The following TSHZ2 variants were observed in gnomAD, a reference collection of about 807,000 sequenced individuals.
The protein encoded by TSHZ2 is teashirt homolog 2.
A neutral mutation model predicts 74.4 loss-of-function variants in TSHZ2; 21 were observed. The ratio of observed to expected loss-of-function variants is 0.28; its 90% CI spans 0.20 to 0.41. The LOEUF is 0.41. TSHZ2 is among the 10% of genes least tolerant of loss of function. The pLI is 1.00. For synonymous variants in TSHZ2, 540 were observed against 515.3 expected, an observed-to-expected ratio of 1.05 and a Z score of -0.65; for missense variants, 1,244 against 1,293.5, an observed-to-expected ratio of 0.96 and a Z score of 0.59.
intron 1 of TSHZ2, among the ~76,000 whole-genome samples, chr20:53,209,706 G>A (rs1213195885): frequency 6.6e-6 from 1 of 152,178 alleles, no homozygotes; most frequent in Non-Finnish European, 1.5e-5. Flanking sequence ...TTTGCTTGGG[G>A]AGAAGCTGGT....
At chr20:53,046,685 G>A (rs963731770) in intron 1 of TSHZ2, among the ~76,000 whole-genome samples, 2 of 152,042 alleles carry the variant, frequency 1.3e-5, no homozygotes, top group African/African-American at 4.8e-5. Context: ...CCAAGCAGTA[G>A]AGTAGGTATA....
At chr20:53,420,544 G>A (rs1465991075) in intron 2 of TSHZ2, among the ~76,000 whole-genome samples, 2 of 152,172 alleles carry the variant, frequency 1.3e-5, no homozygotes, top group East Asian at 1.9e-4. Flanking sequence ...GGCTAACACG[G>A]TGAAACCCCA....
At chr20:53,169,512 T>A (rs1029511394) in intron 1 of TSHZ2, among the ~76,000 whole-genome samples, 4 of 152,224 alleles carry the variant, frequency 2.6e-5, no homozygotes, top group Non-Finnish European at 5.9e-5. Context: ...ATTATCTACC[T>A]AAAACCCTTT....
chr20:53,005,700 T>C (rs996694400), intron 1 of TSHZ2, among the ~76,000 whole-genome samples: 6 of 152,216 alleles, frequency 3.9e-5, no homozygotes, highest in African/African-American at 1.4e-4. Flanking sequence ...TCTTGAAGTA[T>C]AAAGTAGAAC....
At chr20:53,280,891 C>A (rs1991048527) in intron 2 of TSHZ2, among the ~76,000 whole-genome samples, 2 of 152,060 alleles carry the variant, frequency 1.3e-5, no homozygotes, top group African/African-American at 4.8e-5. Flanking sequence ...ATAGGGTTTC[C>A]CTGTGTTAAC....
intron 2 of TSHZ2, among the ~76,000 whole-genome samples, chr20:53,381,364 T>G (rs1346019911): frequency 6.6e-6 from 1 of 152,208 alleles, no homozygotes; most frequent in Non-Finnish European, 1.5e-5. Flanking sequence ...CTGCCTCTAA[T>G]ATCATTTGCT....
At chr20:53,060,471 C>T (rs1462889133) in intron 1 of TSHZ2, among the ~76,000 whole-genome samples, 1 of 152,188 alleles carries the variant, frequency 6.6e-6, no homozygotes, top group Non-Finnish European at 1.5e-5. Flanking sequence ...TTCCCAATTT[C>T]CCTGCCTCCC....
rs1432157442 is a variant in TSHZ2 at position 53,414,567 on chromosome 20, T to C, written c.*9-72577T>C. Among the ~76,000 whole-genome samples, 3 of 152,006 alleles carry C rather than the reference T, an allele frequency of 2.0e-5. 1 individual carries two copies. Among genetic ancestry groups the C allele is most frequent in the Non-Finnish European group, 4.4e-5 (3 of 67,986 alleles). Reference sequence around the variant, plus strand: ...GCCCAGGAGTTCAAGGCTACAGGCATGGATGGCATGACTCTTTTGCCAGCA... The same window carrying C: ...GCCCAGGAGTTCAAGGCTACAGGCACGGATGGCATGACTCTTTTGCCAGCA... On this transcript the variant is annotated intron_variant, in intron 2 of 2. Transcript: ENST00000371497.
At position 53,230,760 on chromosome 20, in the gene TSHZ2, T is replaced by A. The variant is rs906000676; in HGVS notation, c.41-22739T>A. ...ACAAAAAATTAGCTGGGCGTGGTGGTGGCCACTTGTAATCCCAGCTACTCA... is the reference window on the plus strand; with the variant it reads ...ACAAAAAATTAGCTGGGCGTGGTGGAGGCCACTTGTAATCCCAGCTACTCA... On this transcript the variant is annotated intron_variant, in intron 1 of 2. Transcript: ENST00000371497. Among the ~76,000 whole-genome samples, 5 of 151,786 alleles carry A rather than the reference T, an allele frequency of 3.3e-5. No individual in the cohort carries two copies. In the South Asian group the frequency reaches 1.0e-3, roughly 32 times the overall value.
intron 1 of TSHZ2, among the ~76,000 whole-genome samples, chr20:53,086,817 A>G (rs1985713722): frequency 1.3e-5 from 2 of 152,230 alleles, no homozygotes; most frequent in Non-Finnish European, 2.9e-5. Flanking sequence ...TTCTCCTTCC[A>G]GGAGCTGGGG....
intron 2 of TSHZ2, among the ~76,000 whole-genome samples, chr20:53,374,002 T>G (rs1981570378): frequency 6.6e-6 from 1 of 152,224 alleles, no homozygotes; most frequent in South Asian, 2.1e-4. Context: ...ACTTTTATTT[T>G]AGATTCAGGG....
chr20:53,111,330 C>A (rs1986529298), intron 1 of TSHZ2, among the ~76,000 whole-genome samples: 1 of 152,196 alleles, frequency 6.6e-6, no homozygotes, highest in Admixed American at 6.5e-5. Flanking sequence ...GAGATTATAT[C>A]CATCAGTGTA....
rs76560421 is a variant in TSHZ2, at chr20:53,074,784, G to A, written c.40+101451G>A. Among the ~76,000 whole-genome samples, 1,342 of 152,260 alleles carry A rather than the reference G, an allele frequency of 8.8e-3. 19 individuals are homozygous for A. Among genetic ancestry groups the A allele is most frequent in the African/African-American group, 0.03 (1,261 of 41,550 alleles). ...GAAGGTGCTGAAGGAACTAGCATGT[G>A]TATTACTCGTTTTTCAACAGAGATA... On this transcript the variant is annotated intron_variant, in intron 1 of 2. Coordinates refer to ENST00000371497, the MANE Select transcript of TSHZ2 (RefSeq NM_173485.6). This position sits in a 1 kb window ranked among gnomAD's most constrained non-coding sequence, Gnocchi z 5.9.
At chr20:53,223,557 A>G (rs1435799284) in intron 1 of TSHZ2, among the ~76,000 whole-genome samples, 1 of 151,984 alleles carries the variant, frequency 6.6e-6, no homozygotes, top group African/African-American at 2.4e-5. Context: ...ACTTCAGGCT[A>G]TTTTTTAAAA....
At chr20:53,070,282 A>G (rs1301364809) in intron 1 of TSHZ2, among the ~76,000 whole-genome samples, 1 of 152,202 alleles carries the variant, frequency 6.6e-6, no homozygotes, top group African/African-American at 2.4e-5. Context: ...TACAGTAAGG[A>G]CTGAGAGAAT....
At chr20:53,469,447 G>A (rs1168813147) in intron 2 of TSHZ2, among the ~76,000 whole-genome samples, 4 of 152,070 alleles carry the variant, frequency 2.6e-5, no homozygotes, top group Admixed American at 1.3e-4. Flanking sequence ...GGGAGGCTGA[G>A]GCATGAGAAT....
At position 53,253,900 on chromosome 20, in the gene TSHZ2, T is replaced by A. The variant is rs932020674; in HGVS notation, c.442T>A (p.Ser148Thr). The change falls in exon 2 of 3, where the codon TCC becomes ACC. Residue 148 changes from serine (S) to threonine (T), a missense_variant. By Grantham distance (58) the Ser-to-Thr change is moderately conservative (BLOSUM62 1). This residue lies in a region of TSHZ2 where 470 missense variants were observed against 456.5 expected (regional missense o/e 1.03). Transcript: ENST00000371497. Reference sequence around the variant, plus strand: ...AGGCCTGGGCCTTGGCTTCAAGCTGTCCAATAGTGAGAGGAGGAACTGTGA... The same window carrying A: ...AGGCCTGGGCCTTGGCTTCAAGCTGACCAATAGTGAGAGGAGGAACTGTGA... ...WSGLGLGFKL[S>T]NSERRNCDTR... 6.2e-7 allele frequency: 1 copy of A among 1,614,154 alleles called. No homozygotes were observed. The highest frequency in any genetic ancestry group is 2.2e-5 in the East Asian group (1 of 44,874).
intron 2 of TSHZ2, among the ~76,000 whole-genome samples, chr20:53,259,450 A>T (rs1392044220): frequency 4.6e-5 from 7 of 152,256 alleles, no homozygotes; most frequent in African/African-American, 1.4e-4. Flanking sequence ...CAATTTCAAT[A>T]TGTATTTGTA....
chr20:53,198,381 T>C (rs1449077867), intron 1 of TSHZ2: 2 of 152,200 alleles, frequency 1.3e-5, no homozygotes, highest in Non-Finnish European at 2.9e-5. Context: ...TTTTAGTGTT[T>C]TATACACGTT....
Sources: gnomAD v4.1 joint callset for allele counts (sites outside exome capture counted in the v4.1 genomes callset) on GRCh38, gnomAD v4.1.1 for gene constraint, gnomAD v4.1.1 regional missense constraint, Gnocchi (gnomAD v3.1) non-coding constraint, MANE v1.5 for transcripts, NCBI Gene and HGNC (gene_info 2026-07-23, HGNC 2026-07-21) for gene names.